Variants in PRKAG2 observed in about 807,000 individuals in gnomAD.
The protein encoded by PRKAG2 is 5'-AMP-activated protein kinase subunit gamma-2.
In PRKAG2, 26 loss-of-function variants were observed where a neutral mutation model predicts 69.6. The ratio of observed to expected loss-of-function variants is 0.37; its 90% CI spans 0.27 to 0.52. The LOEUF (loss-of-function observed/expected upper bound fraction) is 0.52, where lower values mean the gene tolerates loss of function less well. PRKAG2 is among the 20% of genes least tolerant of loss of function. PRKAG2 has a pLI of 0.90. For synonymous variants in PRKAG2, 293 were observed against 285.0 expected (o/e 1.03, Z -0.28); for missense variants, 557 against 740.0 (o/e 0.75, Z 2.87).
chr7:151,620,585 C>T (rs1338034442), intron 5 of PRKAG2, among the ~76,000 whole-genome samples: 2 of 152,106 alleles, frequency 1.3e-5, no homozygotes, highest in East Asian at 3.9e-4. Flanking sequence ...TCAAGCAATC[C>T]TCCTGTCTCA....
At chr7:151,844,957 A>C (rs2079395333) in intron 1 of PRKAG2, among the ~76,000 whole-genome samples, 1 of 149,676 alleles carries the variant, frequency 6.7e-6, no homozygotes, top group Admixed American at 6.6e-5. Flanking sequence ...TCCCTGGGAC[A>C]CGGGGACGTC....
At chr7:151,572,869 T>G (rs1807922896) in intron 8 of PRKAG2, among the ~76,000 whole-genome samples, 160 bp from the exon 9 acceptor site, 1 of 152,140 alleles carries the variant, frequency 6.6e-6, no homozygotes, top group African/African-American at 2.4e-5. Context: ...TCTCAGCACT[T>G]TGGGAGATCA....
At chr7:151,778,890 A>T (rs1017637570) in intron 3 of PRKAG2, among the ~76,000 whole-genome samples, 7 of 152,232 alleles carry the variant, frequency 4.6e-5, no homozygotes, top group Non-Finnish European at 7.3e-5. Context: ...CTTTTAAAAA[A>T]TAAAAAAGGT....
intron 12 of PRKAG2, 84 bp downstream of exon 12, chr7:151,565,636 G>GT: frequency 6.5e-7 from 1 of 1,528,282 alleles, no homozygotes; most frequent in Non-Finnish European, 9.1e-7. Flanking sequence ...TTTTCCCCAC[G>GT]TATCTCCTGT....
At chr7:151,596,762 T>TA (rs111510726) in intron 5 of PRKAG2, among the ~76,000 whole-genome samples, 18 of 149,220 alleles carry the variant, frequency 1.2e-4, no homozygotes, top group African/African-American at 2.7e-4. Flanking sequence ...TAAATAAAAA[T>TA]AAAAAAAAAG....
chr7:151,793,946 A>T (rs2077374789), intron 1 of PRKAG2, among the ~76,000 whole-genome samples: 1 of 152,256 alleles, frequency 6.6e-6, no homozygotes, highest in South Asian at 2.1e-4. Context: ...CTCTCAGAGA[A>T]GTTCCAGAGC....
chr7:151,649,985 C>T (rs542102874), intron 4 of PRKAG2, among the ~76,000 whole-genome samples: 14 of 152,256 alleles, frequency 9.2e-5, no homozygotes, highest in African/African-American at 3.4e-4. Flanking sequence ...CTCACCTCCC[C>T]GACACACACC....
intron 3 of PRKAG2, among the ~76,000 whole-genome samples, chr7:151,774,045 G>A (rs2076213378): frequency 6.6e-6 from 1 of 152,148 alleles, no homozygotes; most frequent in Non-Finnish European, 1.5e-5. Flanking sequence ...TTTGTCATTT[G>A]CTGACTGCTG....
At chr7:151,837,217 A>G (rs6943343) in intron 1 of PRKAG2, 150,116 of 152,422 alleles carry the variant, frequency 0.98, 73,959 homozygotes, top group Middle Eastern at 1. Context: ...CCACCACCCC[A>G]ATCATTACAG....
At chr7:151,750,905 G>A (rs1201969802) in intron 3 of PRKAG2, among the ~76,000 whole-genome samples, 2 of 151,820 alleles carry the variant, frequency 1.3e-5, no homozygotes, top group African/African-American at 2.4e-5. Context: ...TTGTTAAGGT[G>A]CTAAATTACA....
intron 3 of PRKAG2, among the ~76,000 whole-genome samples, chr7:151,755,675 G>A (rs1038515007): frequency 1.3e-5 from 2 of 152,188 alleles, no homozygotes; most frequent in South Asian, 2.1e-4. Flanking sequence ...CTATGGCTTC[G>A]TAGTTGCAAA....
intron 6 of PRKAG2, among the ~76,000 whole-genome samples, chr7:151,584,480 A>G (rs1326914747): frequency 6.6e-6 from 1 of 152,216 alleles, no homozygotes; most frequent in South Asian, 2.1e-4. Context: ...GTTAGGAAAA[A>G]AAAAATCTTC....
chr7:151,574,379 A>G (rs949063592), intron 8 of PRKAG2, among the ~76,000 whole-genome samples: 2 of 152,246 alleles, frequency 1.3e-5, no homozygotes, highest in Non-Finnish European at 2.9e-5. Context: ...GGGACCAGAG[A>G]GTTCTGCTAC....
chr7:151,600,883 T>C (rs1815884810), intron 5 of PRKAG2, among the ~76,000 whole-genome samples: 1 of 152,202 alleles, frequency 6.6e-6, no homozygotes, highest in Admixed American at 6.5e-5. Flanking sequence ...TCACCTCACT[T>C]AACTGATGTG....
In PRKAG2 at chr7:151,675,629, G is replaced by A. The variant is rs1832795622; in HGVS notation, c.475C>T (p.Leu159Phe). Residue 159 changes from leucine to phenylalanine, a missense_variant, in exon 4 of 16, where the codon CTC becomes TTC. Around this residue, in one of 2 missense-constraint regions of PRKAG2, gnomAD observed 352 missense variants for 356.7 expected, o/e 0.99. Coordinates refer to ENST00000287878, the MANE Select transcript of PRKAG2 (RefSeq NM_016203.4). ...FFSRSRKTSG[L>F]SSSPSTPTQV... The stretch of plus-strand genomic sequence containing the variant: ...GTGGGTGTTGACGGAGAGGAGGAGA[G>A]GCCGGAGGCTGCAGAAGAAACACCA... 3.1e-6 allele frequency: 5 copies of A among 1,613,198 alleles called. No individual in the cohort carries two copies. The highest frequency in any genetic ancestry group is 4.2e-6 in the Non-Finnish European group (5 of 1,179,254).
chr7:151,832,267 GGGAGGAGGGAAGGA>G (rs1271551651), intron 1 of PRKAG2, among the ~76,000 whole-genome samples: 7 of 145,384 alleles, frequency 4.8e-5, no homozygotes, highest in African/African-American at 1.6e-4. Flanking sequence ...AGGGAAGGAA[GGGAGGAGGGAAGGA>G]AGGGAGGAGG....
At chr7:151,592,048 C>T (rs745675552) in intron 6 of PRKAG2, among the ~76,000 whole-genome samples, 11 of 152,290 alleles carry the variant, frequency 7.2e-5, no homozygotes, top group South Asian at 4.1e-4. Context: ...CAGGCCGAGA[C>T]GGGGCTCGCC....
intron 3 of PRKAG2, among the ~76,000 whole-genome samples, chr7:151,691,039 A>G (rs955732007): frequency 6.6e-6 from 1 of 152,212 alleles, no homozygotes. Context: ...TAAGAAAATG[A>G]AACAAGAAAC....
chr7:151,831,923 G>A (rs2079034426), intron 1 of PRKAG2, among the ~76,000 whole-genome samples: 1 of 152,130 alleles, frequency 6.6e-6, no homozygotes, highest in African/African-American at 2.4e-5. Flanking sequence ...CGGGAGAGAG[G>A]GGCCAGATCT....
Sources: allele counts gnomAD v4.1 joint callset (sites outside exome capture counted in the v4.1 genomes callset), GRCh38; gene constraint gnomAD v4.1.1; regional missense constraint gnomAD v4.1.1; transcripts MANE v1.5; gene names NCBI Gene and HGNC (gene_info 2026-07-23, HGNC 2026-07-21).